Variants in CMKLR1 observed in about 807,000 individuals in gnomAD.
CMKLR1 encodes the protein chemerin chemokine-like receptor 1.
Under a neutral mutation model 8.2 loss-of-function variants are expected in CMKLR1, and 6 were observed. The ratio of observed to expected loss-of-function variants is 0.73; its 90% CI spans 0.40 to 1.44. CMKLR1 has a LOEUF of 1.44. Among genes scored for constraint, CMKLR1 ranks in the 40% most tolerant of loss-of-function variants. CMKLR1 has a pLI of 0.02. For missense variants in CMKLR1, 429 were observed against 478.0 expected, an observed-to-expected ratio of 0.90 and a Z score of 0.96; for synonymous variants, 178 against 181.2, an observed-to-expected ratio of 0.98 and a Z score of 0.14.
At chr12:108,326,143 G>T (rs769379330) in intron 2 of CMKLR1, among the ~76,000 whole-genome samples, 1 of 152,196 alleles carries the variant, frequency 6.6e-6, no homozygotes, top group Non-Finnish European at 1.5e-5. Flanking sequence ...AGAAAAGGGA[G>T]GAAGAGAGAG....
chr12:108,291,784 CATA>C lies in CMKLR1; in HGVS notation c.*54_*56del. On this transcript the variant is annotated 3_prime_UTR_variant, in exon 4 of 4. Transcript: ENST00000550402. ...GGTTCTTGCCTTGATCTTCAGAAGA[CATA>C]TCCTTGGGTGTCCCTGGGTTGAGAG... 2.6e-6 allele frequency: 4 copies of C among 1,524,244 alleles called. No individual in the cohort carries two copies. 94.4% of individuals were successfully genotyped at this position (1,524,244 alleles called of 1,614,324 possible). A position where few individuals can be genotyped will look rare whatever the true frequency, so the allele number is the denominator to read the frequency against.
At chr12:108,300,025 T>A (rs751282780) in intron 2 of CMKLR1, among the ~76,000 whole-genome samples, 17 of 152,356 alleles carry the variant, frequency 1.1e-4, no homozygotes, top group Non-Finnish European at 2.4e-4. Context: ...TAACAAGTTA[T>A]CTGAGGACAA....
At chr12:108,334,884 C>T (rs1462651611) in intron 1 of CMKLR1, among the ~76,000 whole-genome samples, 3 of 152,100 alleles carry the variant, frequency 2.0e-5, no homozygotes, top group African/African-American at 7.2e-5. Context: ...ATACCTTTGG[C>T]TTAATAACCC....
intron 2 of CMKLR1, among the ~76,000 whole-genome samples, chr12:108,312,368 C>T (rs1891607879): frequency 6.6e-6 from 1 of 152,222 alleles, no homozygotes; most frequent in Non-Finnish European, 1.5e-5. Context: ...AGCATTCCTT[C>T]CTCTCCCTAG....
intron 2 of CMKLR1, among the ~76,000 whole-genome samples, chr12:108,324,949 C>T (rs1377159847): frequency 3.9e-5 from 6 of 152,174 alleles, no homozygotes; most frequent in Admixed American, 3.9e-4. Flanking sequence ...GAGAACACTC[C>T]CACCGGGAAT....
At chr12:108,310,941 C>T (rs777707058) in intron 2 of CMKLR1, among the ~76,000 whole-genome samples, 3 of 151,844 alleles carry the variant, frequency 2.0e-5, no homozygotes, top group Non-Finnish European at 4.4e-5. Flanking sequence ...CAGGTAAGTT[C>T]GAAGACCGCC....
chr12:108,321,946 C>T (rs1423388450), intron 2 of CMKLR1, among the ~76,000 whole-genome samples: 1 of 152,120 alleles, frequency 6.6e-6, no homozygotes, highest in Non-Finnish European at 1.5e-5. Flanking sequence ...TCCCTCCTGA[C>T]TGTCTTGGTG....
Position 108,292,453 on chromosome 12 carries a change from C to T in CMKLR1, c.510G>A (p.Leu170=), listed in dbSNP as rs780728645. ...CCCGGAAGACGAGAGATGGGGAACT[C>T]AAGAAGAAAGCCAGGACCCAGATGA... ...CMVIWVLAFF[L]SSPSLVFRDT... is the part of the protein sequence containing the mutation. The change falls in exon 4 of 4, where the codon TTG becomes TTA. Residue 170 remains leucine, a synonymous_variant. Coordinates refer to ENST00000550402, the MANE Select transcript of CMKLR1 (RefSeq NM_001142343.2). The T allele has an allele frequency of 6.2e-7, 1 of 1,614,142 alleles. No individual in the cohort carries two copies. Among genetic ancestry groups the T allele is most frequent in the Admixed American group, 1.7e-5 (1 of 60,018 alleles).
rs568491783 is a variant in CMKLR1, at chr12:108,327,745, G to A, written c.-74+2250C>T. Among the ~76,000 whole-genome samples, 5 of 152,324 alleles carry A rather than the reference G, an allele frequency of 3.3e-5. No homozygotes were observed. In the South Asian group the frequency reaches 6.2e-4, roughly 19 times the overall value. The stretch of plus-strand genomic sequence containing the variant: ...GCAGCAGCCCAGCCTGAACTCCATG[G>A]GTGAAGGCTACCTGTCCCTTCAGGC... On this transcript the variant is annotated intron_variant, in intron 2 of 3. Coordinates refer to ENST00000550402, the MANE Select transcript of CMKLR1 (RefSeq NM_001142343.2).
intron 1 of CMKLR1, among the ~76,000 whole-genome samples, chr12:108,331,578 C>G (rs1161872893): frequency 6.6e-6 from 1 of 152,226 alleles, no homozygotes. Context: ...ATCCCCAGAA[C>G]CTGTAAATAT....
chr12:108,304,907 C>T (rs1272797647), intron 2 of CMKLR1, among the ~76,000 whole-genome samples: 2 of 152,242 alleles, frequency 1.3e-5, no homozygotes, highest in East Asian at 1.9e-4. Flanking sequence ...TTATCAGGGC[C>T]TGTGGGCGTA....
At position 108,309,027 on chromosome 12, in the gene CMKLR1, C is replaced by T. The variant is rs116896397; in HGVS notation, c.-73-15363G>A. On this transcript the variant is annotated intron_variant, in intron 2 of 3. Coordinates refer to ENST00000550402, the MANE Select transcript of CMKLR1 (RefSeq NM_001142343.2). The stretch of plus-strand genomic sequence containing the variant: ...TGCCTCGGTTTGAATCCCAGCTCTG[C>T]TGTGTGACCATGGGCAAGTCATCAC... 7.2e-3 allele frequency among the ~76,000 whole-genome samples: 1,100 copies of T among 152,304 alleles called. 6 individuals carry two copies. The highest frequency in any genetic ancestry group is 0.012 in the Non-Finnish European group (810 of 68,036).
intron 2 of CMKLR1, among the ~76,000 whole-genome samples, chr12:108,328,946 A>G (rs1428892625): frequency 6.6e-6 from 1 of 152,214 alleles, no homozygotes; most frequent in Middle Eastern, 3.2e-3. Context: ...GCCTACGTCC[A>G]TCAGCAAGTC....
chr12:108,325,735 C>T (rs1160986543), intron 2 of CMKLR1, among the ~76,000 whole-genome samples: 5 of 152,248 alleles, frequency 3.3e-5, no homozygotes, highest in African/African-American at 4.8e-5. Flanking sequence ...AAGCTTTGAC[C>T]GTCTTGCCAT....
intron 2 of CMKLR1, among the ~76,000 whole-genome samples, chr12:108,321,077 C>T (rs139184897): frequency 0.012 from 1,900 of 152,232 alleles, 41 homozygotes; most frequent in African/African-American, 0.043. Flanking sequence ...CCCTGGCTGC[C>T]GCAGAGCACA....
intron 2 of CMKLR1, among the ~76,000 whole-genome samples, chr12:108,312,348 G>A (rs866267319): frequency 6.6e-6 from 1 of 152,166 alleles, no homozygotes; most frequent in Admixed American, 6.5e-5. Flanking sequence ...ACTGTGAAAC[G>A]TGTCCAGGCA....
chr12:108,293,564 A>T, intron 3 of CMKLR1, 25 bp downstream of exon 3: 1 of 1,550,718 alleles, frequency 6.4e-7, no homozygotes, highest in Non-Finnish European at 8.7e-7. Context: ...TGCCCTTTGG[A>T]GTTCAGACCA....
At chr12:108,328,104 G>A (rs1892023461) in intron 2 of CMKLR1, among the ~76,000 whole-genome samples, 2 of 152,132 alleles carry the variant, frequency 1.3e-5, no homozygotes, top group Admixed American at 1.3e-4. Context: ...GGGGTGAGAG[G>A]GAAAAACAGT....
rs370161103 is a variant in CMKLR1, at chr12:108,291,870, T to C, written c.1093A>G (p.Met365Val). 4.3e-5 allele frequency: 69 copies of C among 1,613,836 alleles called. No homozygotes were observed. The African/African-American group carries it at 4.8e-4, about 11-fold the overall frequency. The stretch of plus-strand genomic sequence containing the variant: ...AGCATGCCGGTCTCCCTCTCATTCA[T>C]AGAAGTCCTCTCATTCATTGATGAC... ...KMSSMNERTS[M>V]NERETGML The change falls in exon 4 of 4, where the codon ATG becomes GTG. Residue 365 changes from methionine (M) to valine (V), a missense_variant. Coordinates refer to ENST00000550402, the MANE Select transcript of CMKLR1 (RefSeq NM_001142343.2).
Sources: allele counts gnomAD v4.1 joint callset (sites outside exome capture counted in the v4.1 genomes callset), GRCh38; gene constraint gnomAD v4.1.1; transcripts MANE v1.5; gene names NCBI Gene and HGNC (gene_info 2026-07-23, HGNC 2026-07-21).